SCN4A: variants seen among roughly 807,000 people sequenced by gnomAD.
SCN4A encodes the protein sodium channel protein type 4 subunit alpha.
Under a neutral mutation model 162.0 loss-of-function variants are expected in SCN4A, and 83 were observed. The observed-to-expected ratio is 0.51, with a 90% CI of 0.43 to 0.61. The LOEUF (loss-of-function observed/expected upper bound fraction) is 0.61. Ranked by LOEUF, SCN4A falls within the 20% of genes least tolerant of loss-of-function variation. The pLI is 0.00. For synonymous variants in SCN4A, 944 were observed against 985.1 expected, an observed-to-expected ratio of 0.96 and a Z score of 0.78; for missense variants, 2,196 against 2,462.5, an observed-to-expected ratio of 0.89 and a Z score of 2.29.
Position 63,951,395 on chromosome 17 carries a change from G to A in SCN4A, c.2853+29C>T, listed in dbSNP as rs1420344591. ...CAGGTCACAGGAGAATTTGAAGCCGGGTCTGTCTGAGCCCCAGCCCCGGCT... is the reference window on the plus strand; with the variant it reads ...CAGGTCACAGGAGAATTTGAAGCCGAGTCTGTCTGAGCCCCAGCCCCGGCT... On this transcript the variant is annotated intron_variant, in intron 14 of 23. Coordinates refer to ENST00000435607, the MANE Select transcript of SCN4A (RefSeq NM_000334.4). The surrounding 1 kb of genome is among the most constrained non-coding windows in gnomAD (Gnocchi z 4.5). 1 of 1,474,126 alleles carries A rather than the reference G, an allele frequency of 6.8e-7. No individual in the cohort carries two copies. Among genetic ancestry groups the A allele is most frequent in the Admixed American group, 2.1e-5 (1 of 47,494 alleles). 91.3% of individuals were successfully genotyped at this position (1,474,126 alleles called of 1,614,324 possible).
chr17:63,967,548 C>T (rs1567827641), intron 6 of SCN4A, among the ~76,000 whole-genome samples: 1 of 152,202 alleles, frequency 6.6e-6, no homozygotes, highest in South Asian at 2.1e-4. Context: ...ATTCGGAGGG[C>T]TGGGGAGATC....
rs558814411 is a variant in SCN4A at position 63,967,384 on chromosome 17, C to T, written c.1036+639G>A. 2.6e-5 allele frequency among the ~76,000 whole-genome samples: 4 copies of T among 152,124 alleles called. No homozygotes were observed. The South Asian group carries it at 8.3e-4, about 32-fold the overall frequency. ...GTCAGGCTGGTCTGGAACTCCTGAC[C>T]TCAGGTGATCTGCCTGCCTCGCCCT... On this transcript the variant is annotated intron_variant, in intron 6 of 23. Coordinates refer to ENST00000435607, the MANE Select transcript of SCN4A (RefSeq NM_000334.4).
Position 63,972,904 on chromosome 17 carries a change from GC to G in SCN4A, c.-64del. ...GTGGCCTGGGGAGCTGCAGTGCGCA[GC>G]CCCGGGGTGCTGGGCGGCCGCCCCT... is the stretch of plus-strand genomic sequence containing the variant. On this transcript the variant is annotated 5_prime_UTR_variant, in exon 1 of 24. Transcript: ENST00000435607. This position sits in a 1 kb window ranked among gnomAD's most constrained non-coding sequence, Gnocchi z 4.3. 2 of 1,499,170 alleles carry G rather than the reference GC, an allele frequency of 1.3e-6. No individual in the cohort carries two copies. Among genetic ancestry groups the G allele is most frequent in the Admixed American group, 2.2e-5 (1 of 46,304 alleles). The allele number at this position is 1,499,170 out of a possible 1,614,324, so 92.9% of individuals were successfully genotyped here.
Position 63,949,433 on chromosome 17 carries a change from C to T in SCN4A, c.2949G>A (p.Glu983=). Residue 983 remains glutamate (E), a synonymous_variant, in exon 15 of 24, where the codon GAG becomes GAA. Transcript: ENST00000435607. ...CCTCAGGCTGCTCCCCCTCGGGGTT[C>T]TCCTCTGCCTGCTCCTCAGGGTCCT... ...PEEDPEEQAE[E]NPEGEQPEEC... is the part of the protein sequence containing the mutation. 1 of 1,602,206 alleles carries T rather than the reference C, an allele frequency of 6.2e-7. No homozygotes were observed. The highest frequency in any genetic ancestry group is 8.5e-7 in the Non-Finnish European group (1 of 1,174,116).
chr17:63,952,003 A>G (rs1908930958), intron 13 of SCN4A, 103 bp from the exon 14 acceptor site: 1 of 663,944 alleles, frequency 1.5e-6, no homozygotes, highest in African/African-American at 1.8e-5. Context: ...CCAAACTACC[A>G]CATGTTGGGC....
At chr17:63,963,297 G>A (rs540830879) in intron 10 of SCN4A, among the ~76,000 whole-genome samples, 7 of 152,100 alleles carry the variant, frequency 4.6e-5, no homozygotes, top group South Asian at 4.1e-4. Flanking sequence ...TCCAGTTTCC[G>A]GAACATTGGG....
At chr17:63,969,277 A>C (rs1283907767) in intron 5 of SCN4A, among the ~76,000 whole-genome samples, 1 of 152,250 alleles carries the variant, frequency 6.6e-6, no homozygotes, top group Non-Finnish European at 1.5e-5. Flanking sequence ...TATTCTTTAG[A>C]CAGACAAAGG....
intron 10 of SCN4A, among the ~76,000 whole-genome samples, chr17:63,962,642 C>T (rs1402879015): frequency 6.6e-6 from 1 of 152,066 alleles, no homozygotes; most frequent in Non-Finnish European, 1.5e-5. Context: ...CCATGGAGAC[C>T]CTGGATTCAT....
In SCN4A at chr17:63,948,863, C is replaced by T. The variant is rs1044228929; in HGVS notation, c.2990-98G>A. 7.7e-6 allele frequency: 9 copies of T among 1,164,510 alleles called. No individual in the cohort carries two copies. The African/African-American group carries it at 9.2e-5, about 12-fold the overall frequency. The allele number at this position is 1,164,510 out of a possible 1,614,324, so 72.1% of individuals were successfully genotyped here. A position where few individuals can be genotyped will look rare whatever the true frequency, so the allele number is the denominator to read the frequency against. On this transcript the variant is annotated intron_variant, in intron 15 of 23. Coordinates refer to ENST00000435607, the MANE Select transcript of SCN4A (RefSeq NM_000334.4). ...CGCCCTCCCATGGCATCCCAGGATG[C>T]CCCTCTCCAGCTCCCAGACCCAGGG...
At position 63,972,103 on chromosome 17, in the gene SCN4A, G is replaced by GGGCT; in HGVS notation, c.482+29_482+32dup. 2.0e-6 allele frequency: 3 copies of GGGCT among 1,536,460 alleles called. No homozygotes were observed. Among genetic ancestry groups the GGGCT allele is most frequent in the Non-Finnish European group, 2.7e-6 (3 of 1,114,454 alleles). ...AACACCTGAGATGGGCTGTGTCCCA[G>GGGCT]GGCTGGGGAGCTCAGGGAGCAGGGA... On this transcript the variant is annotated intron_variant, in intron 3 of 23. Transcript: ENST00000435607. The surrounding 1 kb of genome is among the most constrained non-coding windows in gnomAD (Gnocchi z 4.3).
chr17:63,944,864 C>A lies in SCN4A; in HGVS notation c.3775-54G>T. 1.9e-6 allele frequency: 3 copies of A among 1,602,440 alleles called. No homozygotes were observed. The highest frequency in any genetic ancestry group is 2.6e-6 in the Non-Finnish European group (3 of 1,173,776). The stretch of plus-strand genomic sequence containing the variant: ...GGGTTTGCACGCTGGCTTCTCCCTG[C>A]CCCCCACAGCCCTGAGGGCAGGACC... On this transcript the variant is annotated intron_variant, in intron 20 of 23. Coordinates refer to ENST00000435607, the MANE Select transcript of SCN4A (RefSeq NM_000334.4). The surrounding 1 kb of genome is among the most constrained non-coding windows in gnomAD (Gnocchi z 4.3).
chr17:63,941,673 C>T lies in SCN4A; in HGVS notation c.4609G>A (p.Gly1537Ser), dbSNP rs571210585. ...ICLFEITTSA[G>S]WDGLLNPILN... ...ATGGGGTTGAGGAGCCCGTCCCAGC[C>T]GGCCGACGTGGTGATCTCGAACAGG... is the stretch of plus-strand genomic sequence containing the variant. The change falls in exon 24 of 24, where the codon GGC becomes AGC. Residue 1537 changes from glycine (G) to serine (S), a missense_variant. Physicochemically the swap from Gly to Ser is moderately conservative, Grantham distance 56. Transcript: ENST00000435607. This position sits in a 1 kb window ranked among gnomAD's most constrained non-coding sequence, Gnocchi z 6.2. 161 of 1,613,970 alleles carry T rather than the reference C, an allele frequency of 1.0e-4. No homozygotes were observed. Among genetic ancestry groups the T allele is most frequent in the Middle Eastern group, 1.6e-4 (1 of 6,084 alleles).
chr17:63,962,656 G>C (rs1417755250), intron 10 of SCN4A, among the ~76,000 whole-genome samples: 5 of 152,092 alleles, frequency 3.3e-5, no homozygotes, highest in African/African-American at 1.2e-4. Flanking sequence ...GATTCATGCC[G>C]GGGAGGGTGG....
intron 11 of SCN4A, 105 bp downstream of exon 11, chr17:63,961,088 G>A: frequency 1.6e-6 from 1 of 624,844 alleles, no homozygotes; most frequent in South Asian, 2.0e-5. Flanking sequence ...CTGTCCGCAT[G>A]TGTCCCCCAC....
At chr17:63,946,062 C>A (rs1164637002) in intron 18 of SCN4A, among the ~76,000 whole-genome samples, 3 of 152,220 alleles carry the variant, frequency 2.0e-5, no homozygotes, top group Non-Finnish European at 4.4e-5. Context: ...TTTGAAGCAG[C>A]AGGAGCTCTG....
chr17:63,956,895 C>A (rs1459871523), intron 13 of SCN4A, among the ~76,000 whole-genome samples: 1 of 152,388 alleles, frequency 6.6e-6, no homozygotes, highest in East Asian at 1.9e-4. Flanking sequence ...ATCAGCATCA[C>A]CTCGGAGCTT....
intron 8 of SCN4A, 77 bp from the exon 9 acceptor site, chr17:63,964,754 C>G (rs1390501729): frequency 6.0e-6 from 7 of 1,162,980 alleles, no homozygotes; most frequent in Admixed American, 2.0e-5. Flanking sequence ...TTCCATACAT[C>G]CATTGCCCGC....
At chr17:63,960,503 G>C (rs188115805) in intron 11 of SCN4A, among the ~76,000 whole-genome samples, 1 of 152,176 alleles carries the variant, frequency 6.6e-6, no homozygotes, top group Non-Finnish European at 1.5e-5. Flanking sequence ...GGAGCATCTC[G>C]CCCATTTGCC....
In SCN4A at chr17:63,945,615, G is replaced by A. The variant is rs566581547; in HGVS notation, c.3465C>T (p.Gly1155=). 1.2e-5 allele frequency: 19 copies of A among 1,613,932 alleles called. No homozygotes were observed. The highest frequency in any genetic ancestry group is 1.6e-4 in the Middle Eastern group (1 of 6,062). Residue 1155 remains glycine (G), a synonymous_variant, in exon 19 of 24, where the codon GGC becomes GGT. Transcript: ENST00000435607. This position sits in a 1 kb window ranked among gnomAD's most constrained non-coding sequence, Gnocchi z 4.4. ...GMRVVVNALL[G]AIPSIMNVLL... is the part of the protein sequence containing the mutation. ...GCACATTCATGATGGAGGGGATGGCGCCTAGGAGGGCGTTCACCACCACCT... is the reference window on the plus strand; with the variant it reads ...GCACATTCATGATGGAGGGGATGGCACCTAGGAGGGCGTTCACCACCACCT...
Sources: allele counts gnomAD v4.1 joint callset (sites outside exome capture counted in the v4.1 genomes callset), GRCh38; gene constraint gnomAD v4.1.1; non-coding constraint Gnocchi (gnomAD v3.1); transcripts MANE v1.5; gene names NCBI Gene and HGNC (gene_info 2026-07-23, HGNC 2026-07-21).